VPS16: variants seen among roughly 807,000 people sequenced by gnomAD.
The protein encoded by VPS16 is VPS16 core subunit of CORVET and HOPS complexes, also known as vacuolar protein sorting-associated protein 16 homolog.
A neutral mutation model predicts 116.0 loss-of-function variants in VPS16; 82 were observed. The observed-to-expected ratio is 0.71, with a 90% CI of 0.59 to 0.85. The LOEUF (loss-of-function observed/expected upper bound fraction) is 0.85, where lower values mean the gene tolerates loss of function less well. Among genes scored for constraint, VPS16 ranks in the 40% least tolerant of loss-of-function variants. The pLI, the probability that VPS16 is intolerant of heterozygous loss-of-function variation, is 0.00. For missense variants in VPS16, 928 were observed against 1,090.6 expected, an observed-to-expected ratio of 0.85 and a Z score of 2.10; for synonymous variants, 406 against 420.7, an observed-to-expected ratio of 0.96 and a Z score of 0.43.
chr20:2,856,376 G>T (rs1008044835), intron 1 of VPS16, among the ~76,000 whole-genome samples: 20 of 152,188 alleles, frequency 1.3e-4, no homozygotes, highest in African/African-American at 4.6e-4. Context: ...TAATGAAAAA[G>T]TTTGGAATAT....
chr20:2,851,490 C>T (rs6138913), intron 1 of VPS16, among the ~76,000 whole-genome samples: 2,353 of 152,030 alleles, frequency 0.015, 121 homozygotes, highest in Admixed American at 0.089. Flanking sequence ...TGGTGAAACC[C>T]CATCTCTACT....
Position 2,866,207 on chromosome 20 carries a change from C to G in VPS16, c.2272-5C>G. 1 of 1,614,036 alleles carries G rather than the reference C, an allele frequency of 6.2e-7. No individual in the cohort carries two copies. Among genetic ancestry groups the G allele is most frequent in the Non-Finnish European group, 8.5e-7 (1 of 1,179,964 alleles). ...TCTCCCTCCACCCGCTTCCTCTCCT[C>G]CAAGCCTTTTGTGGAGATCTGCATG... On this transcript the variant is annotated splice_polypyrimidine_tract_variant and splice_region_variant and intron_variant, in intron 22 of 23. Coordinates refer to ENST00000380445, the MANE Select transcript of VPS16 (RefSeq NM_022575.4).
In VPS16 at chr20:2,863,625, G is replaced by C. The variant is rs1027678428; in HGVS notation, c.1476+227G>C. On this transcript the variant is annotated intron_variant, in intron 15 of 23. Transcript: ENST00000380445. The surrounding 1 kb of genome is among the most constrained non-coding windows in gnomAD (Gnocchi z 4.4). Reference sequence around the variant, plus strand: ...TAAAAATACAAAATTAGCCGGGCACGGTGGCGCATGCCTGTAATCCCAGCT... The same window carrying C: ...TAAAAATACAAAATTAGCCGGGCACCGTGGCGCATGCCTGTAATCCCAGCT... Among the ~76,000 whole-genome samples, 7 of 152,158 alleles carry C rather than the reference G, an allele frequency of 4.6e-5. No homozygotes were observed. Among genetic ancestry groups the C allele is most frequent in the African/African-American group, 1.7e-4 (7 of 41,422 alleles).
At chr20:2,840,853 C>CCCCCCGG in intron 1 of VPS16, 26 bp downstream of exon 1, 1 of 1,542,176 alleles carries the variant, frequency 6.5e-7, no homozygotes, top group Non-Finnish European at 8.7e-7. Context: ...CTCCCGCCCA[C>CCCCCCGG]GGCCTGGCTT....
intron 1 of VPS16, among the ~76,000 whole-genome samples, chr20:2,852,931 C>T (rs4815551): frequency 0.47 from 71,420 of 151,586 alleles, 18,973 homozygotes; most frequent in African/African-American, 0.72. Flanking sequence ...AAAGATTTCT[C>T]AGTAGCATGC....
In VPS16 at chr20:2,863,853, G is replaced by GAGGA; in HGVS notation, c.1477-92_1477-89dup. The GAGGA allele has an allele frequency of 2.0e-6, 3 of 1,484,586 alleles. No individual in the cohort carries two copies. Among genetic ancestry groups the GAGGA allele is most frequent in the Non-Finnish European group, 2.7e-6 (3 of 1,094,928 alleles). 92.0% of individuals were successfully genotyped at this position (1,484,586 alleles called of 1,614,324 possible). The stretch of plus-strand genomic sequence containing the variant: ...AGAAAGAAAGAAGAAGGAAGGGAGG[G>GAGGA]AGGAAGGGAACTGAAGGGGTGGGTC... On this transcript the variant is annotated intron_variant, in intron 15 of 23. Transcript: ENST00000380445. The surrounding 1 kb of genome is among the most constrained non-coding windows in gnomAD (Gnocchi z 4.4).
rs2089244795 is a variant in VPS16, at chr20:2,862,610, G to A, written c.1103G>A (p.Arg368Gln). The change falls in exon 12 of 24, where the codon CGG (arginine) becomes CAG (glutamine). Residue 368 changes from arginine (R) to glutamine (Q), a missense_variant. Physicochemically the swap from Arg to Gln is conservative, Grantham distance 43 (BLOSUM62 1). Coordinates refer to ENST00000380445, the MANE Select transcript of VPS16 (RefSeq NM_022575.4). ...KESQKADEYL[R>Q]EIQELGQLTQ... ...AGCCAGAAGGCGGACGAGTACCTGC[G>A]GGAGATCCAGGAGCTGGGCCAGCTG... 1 of 1,613,558 alleles carries A rather than the reference G, an allele frequency of 6.2e-7. No homozygotes were observed. Among genetic ancestry groups the A allele is most frequent in the Non-Finnish European group, 8.5e-7 (1 of 1,179,930 alleles).
Position 2,863,054 on chromosome 20 carries a change from G to A in VPS16, c.1332-11G>A, listed in dbSNP as rs561280335. The A allele has an allele frequency of 1.9e-6, 3 of 1,614,092 alleles. No individual in the cohort carries two copies. In the South Asian group the frequency reaches 3.3e-5, roughly 18 times the overall value. ...ATTCTCCAACTGGATCCTTAACCGA[G>A]GAAAATACAGATATAAGCAGCTCAC... On this transcript the variant is annotated splice_polypyrimidine_tract_variant and intron_variant, in intron 13 of 23. Coordinates refer to ENST00000380445, the MANE Select transcript of VPS16 (RefSeq NM_022575.4). This position sits in a 1 kb window ranked among gnomAD's most constrained non-coding sequence, Gnocchi z 4.4.
At chr20:2,846,948 G>A (rs528308526) in intron 1 of VPS16, among the ~76,000 whole-genome samples, 1 of 152,242 alleles carries the variant, frequency 6.6e-6, no homozygotes, top group African/African-American at 2.4e-5. Context: ...CTTCTGGGAC[G>A]TAGGAGTGGA....
rs2089260588 is a variant in VPS16, at chr20:2,863,216, T to G, written c.1368-74T>G. On this transcript the variant is annotated intron_variant, in intron 14 of 23. Coordinates refer to ENST00000380445, the MANE Select transcript of VPS16 (RefSeq NM_022575.4). This position sits in a 1 kb window ranked among gnomAD's most constrained non-coding sequence, Gnocchi z 4.4. Reference sequence around the variant, plus strand: ...TATCTAGGATGTGGGAGGCCTGATGTGCAGGCTGAGGCCACTCTGCTCCCT... The same window carrying G: ...TATCTAGGATGTGGGAGGCCTGATGGGCAGGCTGAGGCCACTCTGCTCCCT... 1 of 1,608,392 alleles carries G rather than the reference T, an allele frequency of 6.2e-7. No individual in the cohort carries two copies. Among genetic ancestry groups the G allele is most frequent in the African/African-American group, 1.3e-5 (1 of 74,784 alleles).
At chr20:2,841,867 C>A (rs2088979134) in intron 1 of VPS16, among the ~76,000 whole-genome samples, 1 of 152,016 alleles carries the variant, frequency 6.6e-6, no homozygotes. Context: ...GATTCTCCTG[C>A]CTCAGCCTCC....
rs576121818 is a variant in VPS16 at position 2,863,977 on chromosome 20, A to T, written c.1505A>T (p.Asp502Val). The change falls in exon 16 of 24, where the codon GAT (aspartate) becomes GTT (valine). Residue 502 changes from aspartate to valine, a missense_variant. Physicochemically the swap from Asp to Val is radical, Grantham distance 152 (BLOSUM62 -3). Coordinates refer to ENST00000380445, the MANE Select transcript of VPS16 (RefSeq NM_022575.4). This position sits in a 1 kb window ranked among gnomAD's most constrained non-coding sequence, Gnocchi z 4.4. Reference sequence around the variant, plus strand: ...CAACAGAAGGATGTCTCAGATGAGGATGTGGCTCGAGCCATTAACCAGAAG... The same window carrying T: ...CAACAGAAGGATGTCTCAGATGAGGTTGTGGCTCGAGCCATTAACCAGAAG... ...KVQQKDVSDE[D>V]VARAINQKLG... 20 of 1,613,410 alleles carry T rather than the reference A, an allele frequency of 1.2e-5. No individual in the cohort carries two copies. The South Asian group carries it at 2.1e-4, about 17-fold the overall frequency.
Position 2,863,133 on chromosome 20 carries a change from T to C in VPS16, c.1367+33T>C, listed in dbSNP as rs1433229832. On this transcript the variant is annotated intron_variant, in intron 14 of 23. Coordinates refer to ENST00000380445, the MANE Select transcript of VPS16 (RefSeq NM_022575.4). This position sits in a 1 kb window ranked among gnomAD's most constrained non-coding sequence, Gnocchi z 4.4. Reference sequence around the variant, plus strand: ...AAGCCCAAGGGTGCAGTGAGCGGGCTGTCAGGGGGGTGGGCATTACAGCCT... The same window carrying C: ...AAGCCCAAGGGTGCAGTGAGCGGGCCGTCAGGGGGGTGGGCATTACAGCCT... The C allele has an allele frequency of 6.2e-7, 1 of 1,613,224 alleles. No homozygotes were observed. The highest frequency in any genetic ancestry group is 1.3e-5 in the African/African-American group (1 of 74,744).
intron 9 of VPS16, 22 bp downstream of exon 9, chr20:2,861,726 T>G: frequency 1.9e-6 from 3 of 1,612,218 alleles, no homozygotes; most frequent in Non-Finnish European, 2.5e-6. Context: ...GGGCTGCCTG[T>G]GTGTGGAGAG....
intron 11 of VPS16, 45 bp downstream of exon 11, chr20:2,862,175 G>T: frequency 6.3e-7 from 1 of 1,588,074 alleles, no homozygotes; most frequent in Middle Eastern, 1.7e-4. Context: ...GGTTCCTCCT[G>T]CCCCTGCGTG....
intron 1 of VPS16, 90 bp downstream of exon 1, chr20:2,840,917 C>A: frequency 7.9e-7 from 1 of 1,260,222 alleles, no homozygotes; most frequent in Non-Finnish European, 1.1e-6. Flanking sequence ...CCTGTCACTA[C>A]TGGCGCTGGG....
At chr20:2,854,140 C>G (rs1036289859) in intron 1 of VPS16, among the ~76,000 whole-genome samples, 1 of 151,880 alleles carries the variant, frequency 6.6e-6, no homozygotes, top group East Asian at 1.9e-4. Context: ...CAAGCATGGT[C>G]GTGCACACCT....
intron 1 of VPS16, among the ~76,000 whole-genome samples, chr20:2,853,622 T>A (rs2089143310): frequency 6.6e-6 from 1 of 152,172 alleles, no homozygotes. Context: ...CAAACTCCTG[T>A]TAATTTTGAT....
intron 1 of VPS16, among the ~76,000 whole-genome samples, chr20:2,858,609 C>T (rs2089197862): frequency 6.6e-6 from 1 of 151,954 alleles, no homozygotes. Context: ...GCTGAAATGC[C>T]CTTCTTAAAC....
Sources: allele counts gnomAD v4.1 joint callset (sites outside exome capture counted in the v4.1 genomes callset), GRCh38; gene constraint gnomAD v4.1.1; non-coding constraint Gnocchi (gnomAD v3.1); transcripts MANE v1.5; gene names NCBI Gene and HGNC (gene_info 2026-07-23, HGNC 2026-07-21).